Variants in PTGR2 observed in about 807,000 individuals in gnomAD.
PTGR2 encodes the protein prostaglandin reductase 2.
Under a neutral mutation model 43.4 loss-of-function variants are expected in PTGR2, and 32 were observed. The ratio of observed to expected loss-of-function variants is 0.74; its 90% CI spans 0.56 to 0.99. PTGR2 has a LOEUF of 0.99. Ranked by LOEUF, PTGR2 falls within the 50% of genes least tolerant of loss-of-function variation. The probability of loss-of-function intolerance (pLI) is 0.00; values close to 1 mark genes in which losing one functional copy is unlikely to be tolerated. For synonymous variants in PTGR2, 106 were observed against 139.2 expected (o/e 0.76, Z 1.68); for missense variants, 373 against 420.0 (o/e 0.89, Z 0.98).
At chr14:73,877,808 A>T (rs1432718921) in intron 5 of PTGR2, 1 of 152,238 alleles carries the variant, frequency 6.6e-6, no homozygotes, top group Non-Finnish European at 1.5e-5. Flanking sequence ...TTAAATTAAT[A>T]TCCTCAAATA....
intron 8 of PTGR2, among the ~76,000 whole-genome samples, chr14:73,882,039 C>A (rs1267431327): frequency 6.6e-6 from 1 of 151,824 alleles, no homozygotes; most frequent in Non-Finnish European, 1.5e-5. Flanking sequence ...CATCCAGCCT[C>A]CCAAAGTGCT....
chr14:73,881,939 C>T (rs747159850), intron 8 of PTGR2, among the ~76,000 whole-genome samples: 11 of 152,024 alleles, frequency 7.2e-5, no homozygotes, highest in Non-Finnish European at 1.3e-4. Context: ...ACATGCCACT[C>T]GCTCAGCTAA....
In PTGR2 at chr14:73,857,281, A is replaced by G. The variant is rs116605534; in HGVS notation, c.-47-1535A>G. Among the ~76,000 whole-genome samples, 1,244 of 150,128 alleles carry G rather than the reference A, an allele frequency of 8.3e-3. 18 individuals are homozygous for G. Among genetic ancestry groups the G allele is most frequent in the African/African-American group, 0.029 (1,187 of 40,778 alleles). ...TCACCACTGATAAGAAGGCAAAGGAATTTCCATTTTGATGAACGAATAGAA... is the reference window on the plus strand; with the variant it reads ...TCACCACTGATAAGAAGGCAAAGGAGTTTCCATTTTGATGAACGAATAGAA... On this transcript the variant is annotated intron_variant, in intron 1 of 9. Coordinates refer to ENST00000555661, the MANE Select transcript of PTGR2 (RefSeq NM_001146154.2).
chr14:73,859,204 C>G (rs1182558504), intron 2 of PTGR2, among the ~76,000 whole-genome samples: 1 of 151,974 alleles, frequency 6.6e-6, no homozygotes, highest in Non-Finnish European at 1.5e-5. Context: ...GCTTTTGTTT[C>G]TTTAGAGTAT....
chr14:73,856,529 G>C (rs1446323682), intron 1 of PTGR2, among the ~76,000 whole-genome samples: 1 of 152,148 alleles, frequency 6.6e-6, no homozygotes, highest in Non-Finnish European at 1.5e-5. Context: ...GGGATTACAA[G>C]GGTGAGCCAC....
At chr14:73,857,141 T>C (rs1417899833) in intron 1 of PTGR2, among the ~76,000 whole-genome samples, 1 of 152,036 alleles carries the variant, frequency 6.6e-6, no homozygotes, top group Non-Finnish European at 1.5e-5. Context: ...CCTTTACTTA[T>C]TGGCCATATT....
At chr14:73,853,787 A>C (rs1031656888) in intron 1 of PTGR2, among the ~76,000 whole-genome samples, 3 of 152,162 alleles carry the variant, frequency 2.0e-5, no homozygotes, top group African/African-American at 7.2e-5. Context: ...ACTTTTTCCA[A>C]GTTCCCACCT....
rs35651032 is a variant in PTGR2, at chr14:73,882,800, C to CTTTTTTTTTTTTTTTTTTTTT, written c.979+380_979+400dup. Among the ~76,000 whole-genome samples, 2 of 41,868 alleles carry CTTTTTTTTTTTTTTTTTTTTT rather than the reference C, an allele frequency of 4.8e-5. 1 individual carries two copies. The highest frequency in any genetic ancestry group is 9.1e-5 in the Non-Finnish European group (2 of 21,900). 27.5% of individuals were successfully genotyped at this position (41,868 alleles called of 152,430 possible). On this transcript the variant is annotated intron_variant, in intron 9 of 9. Coordinates refer to ENST00000555661, the MANE Select transcript of PTGR2 (RefSeq NM_001146154.2). Reference sequence around the variant, plus strand: ...CAAGCGTGAGCCACCACGCCTGGCCCTTTTTTTTTTTTTTTTTTTTTTTTT... The same window carrying CTTTTTTTTTTTTTTTTTTTTT: ...CAAGCGTGAGCCACCACGCCTGGCCCTTTTTTTTTTTTTTTTTTTTTTTTTTTTTTTTTTTTTTTTTTTTTT...
chr14:73,879,330 A>G, intron 6 of PTGR2, 25 bp downstream of exon 6: 1 of 1,589,356 alleles, frequency 6.3e-7, no homozygotes, highest in Non-Finnish European at 8.6e-7. Flanking sequence ...TCTATAACAA[A>G]TTTGAATACT....
chr14:73,859,784 TA>T (rs5809632), intron 2 of PTGR2, among the ~76,000 whole-genome samples: 57,758 of 143,674 alleles, frequency 0.4, 11,932 homozygotes, highest in Non-Finnish European at 0.47. Context: ...ACCTTGTCTC[TA>T]AAAAAAAAAA....
At position 73,851,944 on chromosome 14, in the gene PTGR2, G is replaced by T. The variant is rs1449985655; in HGVS notation, c.-48+1G>T. The T allele has an allele frequency of 6.6e-6, 1 of 152,246 alleles. No individual in the cohort carries two copies. Among genetic ancestry groups the T allele is most frequent in the Non-Finnish European group, 1.5e-5 (1 of 68,082 alleles). 9.4% of individuals were successfully genotyped at this position (152,246 alleles called of 1,614,324 possible). A position where few individuals can be genotyped will look rare whatever the true frequency, so the allele number is the denominator to read the frequency against. On this transcript the variant is annotated splice_donor_variant, in intron 1 of 9. Coordinates refer to ENST00000555661, the MANE Select transcript of PTGR2 (RefSeq NM_001146154.2). LOFTEE classifies it low-confidence loss of function (5UTR_SPLICE). ...ATTTCGTTCACCCGGGCTCCACAGG[G>T]TCAGTGACGCGCGAGCGGCTCCCGC...
Position 73,880,065 on chromosome 14 carries a change from A to G in PTGR2, c.740A>G (p.Asn247Ser). The change falls in exon 7 of 10, where the codon AAC (asparagine) becomes AGC (serine). Residue 247 changes from asparagine to serine, a missense_variant. Asn to Ser is a conservative substitution (Grantham distance 46). Coordinates refer to ENST00000555661, the MANE Select transcript of PTGR2 (RefSeq NM_001146154.2). ...SDTVISQMNE[N>S]SHIILCGQIS... ...TTTTTCTCTGTGCAGATGAATGAGA[A>G]CAGCCACATCATCCTGTGTGGTCAA... 2 of 1,613,372 alleles carry G rather than the reference A, an allele frequency of 1.2e-6. No homozygotes were observed. Among genetic ancestry groups the G allele is most frequent in the Non-Finnish European group, 1.7e-6 (2 of 1,179,648 alleles).
chr14:73,852,112 CAG>C (rs2054239862), intron 1 of PTGR2, 169 bp downstream of exon 1: 2 of 152,274 alleles, frequency 1.3e-5, no homozygotes, highest in South Asian at 4.1e-4. Flanking sequence ...GCTCGAGAAA[CAG>C]AAGCAGGTTT....
chr14:73,868,745 C>G (rs549700590), intron 3 of PTGR2, among the ~76,000 whole-genome samples: 2 of 151,694 alleles, frequency 1.3e-5, no homozygotes, highest in East Asian at 3.9e-4. Flanking sequence ...CCTACCCTGC[C>G]TTGCCCGTTC....
intron 5 of PTGR2, chr14:73,878,068 C>G (rs2054902738): frequency 6.6e-6 from 1 of 152,170 alleles, no homozygotes; most frequent in African/African-American, 2.4e-5. Flanking sequence ...AGTACTTCAG[C>G]CCAGGAGTTT....
intron 7 of PTGR2, among the ~76,000 whole-genome samples, chr14:73,880,601 C>G (rs866635090): frequency 9.4e-5 from 13 of 138,936 alleles, no homozygotes; most frequent in Non-Finnish European, 1.9e-4. Context: ...AAAAAAAAAA[C>G]AAAAAAAAAC....
intron 1 of PTGR2, 186 bp downstream of exon 1, chr14:73,852,129 GT>G (rs1043663642): frequency 7.9e-5 from 12 of 152,064 alleles, no homozygotes; most frequent in South Asian, 2.1e-4. Flanking sequence ...AGGTTTTGGG[GT>G]TTTTTTTGAA....
At chr14:73,857,144 G>T (rs1449072658) in intron 1 of PTGR2, among the ~76,000 whole-genome samples, 1 of 151,684 alleles carries the variant, frequency 6.6e-6, no homozygotes, top group Non-Finnish European at 1.5e-5. Flanking sequence ...TTACTTATTG[G>T]CCATATTGTG....
At chr14:73,867,615 C>A (rs1180428887) in intron 3 of PTGR2, among the ~76,000 whole-genome samples, 3 of 152,040 alleles carry the variant, frequency 2.0e-5, no homozygotes, top group Non-Finnish European at 2.9e-5. Flanking sequence ...AAAACAAAAA[C>A]CAAAAAACCT....
Sources: gnomAD v4.1 joint callset for allele counts (sites outside exome capture counted in the v4.1 genomes callset) on GRCh38, gnomAD v4.1.1 for gene constraint, MANE v1.5 for transcripts, NCBI Gene and HGNC (gene_info 2026-07-23, HGNC 2026-07-21) for gene names.